Variants in VAPA observed in about 807,000 individuals in gnomAD.
The protein encoded by VAPA is VAMP associated protein A, also known as vesicle-associated membrane protein-associated protein A.
VAPA carries 6 observed loss-of-function variants against 25.6 expected under a neutral mutation model. That is an observed-to-expected ratio of 0.23 (90% CI 0.13 to 0.46). The LOEUF is 0.46. VAPA is among the 20% of genes least tolerant of loss of function. VAPA has a pLI of 0.99. For missense variants in VAPA, 244 were observed against 302.1 expected, an observed-to-expected ratio of 0.81 and a Z score of 1.43; for synonymous variants, 112 against 106.2, an observed-to-expected ratio of 1.05 and a Z score of -0.34.
chr18:9,937,183 G>C, intron 4 of VAPA, 117 bp downstream of exon 4: 1 of 443,668 alleles, frequency 2.3e-6, no homozygotes, highest in Non-Finnish European at 3.7e-6. Flanking sequence ...CACTTCATAA[G>C]ACTCAGTGGT....
chr18:9,924,219 A>G (rs1416946343), intron 1 of VAPA, among the ~76,000 whole-genome samples: 1 of 152,150 alleles, frequency 6.6e-6, no homozygotes, highest in African/African-American at 2.4e-5. Context: ...TTCTCTGAAA[A>G]TGTACCTTCT....
chr18:9,939,224 T>C lies in VAPA; in HGVS notation c.417+2158T>C, dbSNP rs903735284. On this transcript the variant is annotated intron_variant, in intron 4 of 5. Transcript: ENST00000400000. The stretch of plus-strand genomic sequence containing the variant: ...TCTTGCTCTGTTGCTCAGGCTGGAG[T>C]GCAGTGGCACGATCTTGGCTCACTG... 3.3e-5 allele frequency among the ~76,000 whole-genome samples: 5 copies of C among 150,252 alleles called. No homozygotes were observed. The East Asian group carries it at 9.8e-4, about 29-fold the overall frequency.
chr18:9,936,038 C>A, intron 2 of VAPA, 72 bp from the exon 3 acceptor site: 1 of 1,069,368 alleles, frequency 9.4e-7, no homozygotes, highest in South Asian at 2.2e-5. Flanking sequence ...ATAATTTAAT[C>A]TGTAACTGTT....
rs146214366 is a variant in VAPA, at chr18:9,932,836, C to T, written c.232+874C>T. ...AGAAATGTTACATTTAGGCCGGGCGCGGTGGCTTATGCCTGTAATCCCAGC... is the reference window on the plus strand; with the variant it reads ...AGAAATGTTACATTTAGGCCGGGCGTGGTGGCTTATGCCTGTAATCCCAGC... On this transcript the variant is annotated intron_variant, in intron 2 of 5. Coordinates refer to ENST00000400000, the MANE Select transcript of VAPA (RefSeq NM_194434.3). Among the ~76,000 whole-genome samples the T allele has an allele frequency of 3.9e-5, 6 of 152,080 alleles. No individual in the cohort carries two copies. In the South Asian group the frequency reaches 8.3e-4, roughly 21 times the overall value.
In VAPA at chr18:9,956,049, T is replaced by C. The variant is rs534435681; in HGVS notation, c.*1838T>C. 1 of 152,318 alleles carries C rather than the reference T, an allele frequency of 6.6e-6. No individual in the cohort carries two copies. The highest frequency in any genetic ancestry group is 2.1e-4 in the South Asian group (1 of 4,830). The allele number at this position is 152,318 out of a possible 1,614,324, so 9.4% of individuals were successfully genotyped here. A position where few individuals can be genotyped will look rare whatever the true frequency, so the allele number is the denominator to read the frequency against. ...TACCAAGTTTGGTATCTCATAGCTA[T>C]CTTTTTTTAAAGAAATTAAGTTCTT... On this transcript the variant is annotated 3_prime_UTR_variant, in exon 6 of 6. Transcript: ENST00000400000.
intron 1 of VAPA, among the ~76,000 whole-genome samples, chr18:9,920,120 TGA>T (rs1314024472): frequency 6.6e-6 from 1 of 152,202 alleles, no homozygotes; most frequent in East Asian, 1.9e-4. Flanking sequence ...TGGGGGTGTG[TGA>T]GAGAGATGGA....
At chr18:9,931,684 G>A in intron 1 of VAPA, 126 bp from the exon 2 acceptor site, 3 of 709,310 alleles carry the variant, frequency 4.2e-6, no homozygotes, top group Non-Finnish European at 2.2e-6. Flanking sequence ...GTAGCCATTT[G>A]GGATATTTAT....
intron 4 of VAPA, among the ~76,000 whole-genome samples, chr18:9,943,989 G>A (rs183224512): frequency 6.6e-6 from 1 of 151,250 alleles, no homozygotes; most frequent in Admixed American, 6.6e-5. Flanking sequence ...GCCTCTCCGA[G>A]TAGCTGGGAC....
chr18:9,919,215 TCA>T (rs1389804634), intron 1 of VAPA, among the ~76,000 whole-genome samples: 1 of 152,248 alleles, frequency 6.6e-6, no homozygotes. Context: ...TCATGATTAC[TCA>T]CACCAGAAAC....
chr18:9,942,735 G>C (rs761315311), intron 4 of VAPA, among the ~76,000 whole-genome samples: 21 of 152,114 alleles, frequency 1.4e-4, no homozygotes, highest in Admixed American at 1.4e-3. Flanking sequence ...AAGAGAGAGC[G>C]AAGGGGCAGT....
rs1458207983 is a variant in VAPA at position 9,956,077 on chromosome 18, A to G, written c.*1866A>G. The G allele has an allele frequency of 1.3e-5, 2 of 152,176 alleles. No individual in the cohort carries two copies. The allele number at this position is 152,176 out of a possible 1,614,324, so 9.4% of individuals were successfully genotyped here. On this transcript the variant is annotated 3_prime_UTR_variant, in exon 6 of 6. Coordinates refer to ENST00000400000, the MANE Select transcript of VAPA (RefSeq NM_194434.3). ...TTTTTTAAAGAAATTAAGTTCTTGA[A>G]AATTTAGCCAAATCCCGTTTTATGG...
intron 1 of VAPA, among the ~76,000 whole-genome samples, chr18:9,925,713 A>C (rs2143311864): frequency 6.6e-6 from 1 of 152,214 alleles, no homozygotes; most frequent in Admixed American, 6.5e-5. Context: ...AGAATGTTTT[A>C]GGGCTTTCTT....
At chr18:9,942,205 T>G (rs933357126) in intron 4 of VAPA, among the ~76,000 whole-genome samples, 2 of 152,222 alleles carry the variant, frequency 1.3e-5, no homozygotes, top group African/African-American at 4.8e-5. Flanking sequence ...TATGCATACA[T>G]TATTAAATGA....
chr18:9,923,181 T>G (rs1323266162), intron 1 of VAPA, among the ~76,000 whole-genome samples: 1 of 152,232 alleles, frequency 6.6e-6, no homozygotes, highest in Non-Finnish European at 1.5e-5. Context: ...TAACTAGTTA[T>G]CACTAATGTT....
At chr18:9,952,801 C>T (rs2069504200) in intron 5 of VAPA, among the ~76,000 whole-genome samples, 1 of 152,108 alleles carries the variant, frequency 6.6e-6, no homozygotes, top group African/African-American at 2.4e-5. Context: ...GTCACAATCA[C>T]AGGAGTATTA....
At chr18:9,915,511 T>A (rs1451833650) in intron 1 of VAPA, among the ~76,000 whole-genome samples, 1 of 152,114 alleles carries the variant, frequency 6.6e-6, no homozygotes, top group East Asian at 1.9e-4. Flanking sequence ...TTCCTTCCTA[T>A]CTTTAGTTAA....
intron 4 of VAPA, 119 bp downstream of exon 4, chr18:9,937,185 C>A: frequency 1.1e-5 from 5 of 457,220 alleles, no homozygotes; most frequent in Non-Finnish European, 1.8e-5. Context: ...CTTCATAAGA[C>A]TCAGTGGTTA....
At chr18:9,919,798 A>G (rs1239683090) in intron 1 of VAPA, among the ~76,000 whole-genome samples, 1 of 152,206 alleles carries the variant, frequency 6.6e-6, no homozygotes, top group Non-Finnish European at 1.5e-5. Context: ...GGAGCAGTAA[A>G]GATGGAGGGA....
chr18:9,931,686 G>A, intron 1 of VAPA, 124 bp from the exon 2 acceptor site: 1 of 732,766 alleles, frequency 1.4e-6, no homozygotes, highest in East Asian at 3.0e-5. Context: ...AGCCATTTGG[G>A]ATATTTATGC....
Sources: allele counts gnomAD v4.1 joint callset (sites outside exome capture counted in the v4.1 genomes callset), GRCh38; gene constraint gnomAD v4.1.1; transcripts MANE v1.5; gene names NCBI Gene and HGNC (gene_info 2026-07-23, HGNC 2026-07-21).